The following ANAPC10 variants were observed in gnomAD, a reference collection of about 807,000 sequenced individuals.
ANAPC10 encodes the protein anaphase-promoting complex subunit 10.
In ANAPC10, 12 loss-of-function variants were observed where a neutral mutation model predicts 22.0. That is an observed-to-expected ratio of 0.55 (90% CI 0.35 to 0.88). ANAPC10 has a LOEUF of 0.88. Among genes scored for constraint, ANAPC10 ranks in the 40% least tolerant of loss-of-function variants. The pLI is 0.01. For missense variants in ANAPC10, 188 were observed against 220.9 expected (o/e 0.85, Z 0.94); for synonymous variants, 65 against 69.5 (o/e 0.94, Z 0.32).
At chr4:145,021,475 T>C (rs909304469) in intron 4 of ANAPC10, among the ~76,000 whole-genome samples, 9 of 152,004 alleles carry the variant, frequency 5.9e-5, no homozygotes, top group Non-Finnish European at 1.0e-4. Context: ...TAGACACATA[T>C]AGGACAATGA....
At chr4:145,073,021 T>C (rs970844714) in intron 3 of ANAPC10, among the ~76,000 whole-genome samples, 5 of 152,018 alleles carry the variant, frequency 3.3e-5, no homozygotes, top group African/African-American at 9.7e-5. Context: ...GCTTCCTGAA[T>C]AGCTGAGACT....
chr4:145,080,910 A>G (rs1250606542), intron 3 of ANAPC10, among the ~76,000 whole-genome samples: 1 of 149,638 alleles, frequency 6.7e-6, no homozygotes, highest in Non-Finnish European at 1.5e-5. Flanking sequence ...TCCATCTCAA[A>G]AAAAAAAAAA....
At chr4:145,017,654 T>G (rs1367381070) in intron 4 of ANAPC10, among the ~76,000 whole-genome samples, 4 of 152,124 alleles carry the variant, frequency 2.6e-5, no homozygotes, top group Admixed American at 2.6e-4. Flanking sequence ...CATGCTGCTA[T>G]AAAGACACAT....
At chr4:145,069,056 A>G (rs572795982) in intron 3 of ANAPC10, among the ~76,000 whole-genome samples, 3 of 152,364 alleles carry the variant, frequency 2.0e-5, no homozygotes, top group African/African-American at 7.2e-5. Context: ...CGGTCTTAAA[A>G]TAAAATAAAA....
intron 4 of ANAPC10, among the ~76,000 whole-genome samples, chr4:145,041,964 A>C (rs1345728724): frequency 6.6e-6 from 1 of 152,180 alleles, no homozygotes; most frequent in Non-Finnish European, 1.5e-5. Context: ...TTATTCCTTT[A>C]TTAACTTCTA....
chr4:145,076,187 C>A (rs2126553578), intron 3 of ANAPC10, among the ~76,000 whole-genome samples: 1 of 152,332 alleles, frequency 6.6e-6, no homozygotes, highest in Admixed American at 6.5e-5. Flanking sequence ...TGACTGCACC[C>A]CTCATTGGAG....
At chr4:145,018,547 A>C (rs1735547600) in intron 4 of ANAPC10, among the ~76,000 whole-genome samples, 1 of 152,094 alleles carries the variant, frequency 6.6e-6, no homozygotes, top group South Asian at 2.1e-4. Context: ...CTGAGGCAGG[A>C]GAATTGCTTT....
chr4:145,008,380 C>G (rs1392567374), intron 4 of ANAPC10, among the ~76,000 whole-genome samples: 1 of 152,100 alleles, frequency 6.6e-6, no homozygotes, highest in Admixed American at 6.6e-5. Flanking sequence ...ACAGACACAA[C>G]AAGAAAAGAG....
Position 145,045,954 on chromosome 4 carries a change from T to A in ANAPC10, c.327+18618A>T, listed in dbSNP as rs550870023. On this transcript the variant is annotated intron_variant, in intron 4 of 4. Coordinates refer to ENST00000507656, the MANE Select transcript of ANAPC10 (RefSeq NM_001256706.2). ...AACTTAACATATGTTCTAGCAAAAA[T>A]TATATTATGATTATCTATGCTTTTG... Among the ~76,000 whole-genome samples the A allele has an allele frequency of 3.3e-5, 5 of 152,210 alleles. No homozygotes were observed. In the East Asian group the frequency reaches 9.6e-4, roughly 29 times the overall value.
chr4:145,080,618 G>T (rs915545971), intron 3 of ANAPC10, among the ~76,000 whole-genome samples: 5 of 151,974 alleles, frequency 3.3e-5, no homozygotes, highest in African/African-American at 1.2e-4. Context: ...TGTTAAAATA[G>T]ATGGTATAGG....
chr4:145,043,544 T>C (rs1739833306), intron 4 of ANAPC10, among the ~76,000 whole-genome samples: 1 of 152,124 alleles, frequency 6.6e-6, no homozygotes, highest in African/African-American at 2.4e-5. Context: ...TTCAAACACA[T>C]GCACTGAGCT....
At chr4:145,071,579 G>A (rs780766051) in intron 3 of ANAPC10, among the ~76,000 whole-genome samples, 12 of 151,974 alleles carry the variant, frequency 7.9e-5, no homozygotes, top group Admixed American at 1.3e-4. Context: ...CATATGATCC[G>A]TATGAACAGA....
chr4:145,052,486 A>G (rs1741266982), intron 4 of ANAPC10, among the ~76,000 whole-genome samples: 1 of 152,234 alleles, frequency 6.6e-6, no homozygotes, highest in Admixed American at 6.5e-5. Flanking sequence ...TTGTTCTCAC[A>G]GATAAAATAG....
chr4:144,995,563 G>T lies in ANAPC10; in HGVS notation c.368C>A (p.Pro123His), dbSNP rs1448358916. 6.2e-7 allele frequency: 1 copy of T among 1,613,228 alleles called. No homozygotes were observed. Among genetic ancestry groups the T allele is most frequent in the Middle Eastern group, 1.7e-4 (1 of 6,056 alleles). ...LVEPSGWIHV[P>H]LTDNHKKPTR... The stretch of plus-strand genomic sequence containing the variant: ...TGGCTTCTTATGATTGTCAGTTAAG[G>T]GAACATGAATCCAGCCACTTGGTTC... Residue 123 changes from proline to histidine, a missense_variant, in exon 5 of 5, where the codon CCC (proline) becomes CAC (histidine). Pro to His is a moderately conservative substitution (Grantham distance 77, BLOSUM62 -2). Transcript: ENST00000507656.
chr4:144,997,752 G>T (rs1489456460), intron 4 of ANAPC10, among the ~76,000 whole-genome samples: 1 of 152,042 alleles, frequency 6.6e-6, no homozygotes, highest in Non-Finnish European at 1.5e-5. Flanking sequence ...AATGTAAATG[G>T]GCTAAATGCT....
chr4:145,097,076 G>A (rs896280263), intron 1 of ANAPC10, among the ~76,000 whole-genome samples: 3 of 152,026 alleles, frequency 2.0e-5, no homozygotes, highest in Admixed American at 6.6e-5. Context: ...CTGGTGTGGC[G>A]GCACACACCT....
At chr4:145,045,564 A>C (rs2127164375) in intron 4 of ANAPC10, among the ~76,000 whole-genome samples, 1 of 152,248 alleles carries the variant, frequency 6.6e-6, no homozygotes, top group East Asian at 1.9e-4. Flanking sequence ...AATGATCAAC[A>C]ACTTGAAGGA....
intron 4 of ANAPC10, among the ~76,000 whole-genome samples, chr4:145,061,788 G>C (rs749297537): frequency 3.9e-5 from 6 of 152,102 alleles, no homozygotes; most frequent in Non-Finnish European, 8.8e-5. Flanking sequence ...TCAGATATGT[G>C]ACTAAAAGAA....
intron 4 of ANAPC10, among the ~76,000 whole-genome samples, chr4:145,030,483 T>C (rs568177645): frequency 2.0e-5 from 3 of 152,246 alleles, no homozygotes; most frequent in South Asian, 2.1e-4. Context: ...TGAGCTGACA[T>C]TGATTCCAGG....
Sources: allele counts gnomAD v4.1 joint callset (sites outside exome capture counted in the v4.1 genomes callset), GRCh38; gene constraint gnomAD v4.1.1; transcripts MANE v1.5; gene names NCBI Gene and HGNC (gene_info 2026-07-23, HGNC 2026-07-21).